The following MAEA variants were observed in gnomAD, a reference collection of about 807,000 sequenced individuals.
The protein encoded by MAEA is E3 ubiquitin-protein transferase MAEA.
MAEA carries 22 observed loss-of-function variants against 46.2 expected under a neutral mutation model. The observed-to-expected ratio is 0.48, with a 90% confidence interval of 0.34 to 0.68. The LOEUF is 0.68. Ranked by LOEUF, MAEA falls within the 30% of genes least tolerant of loss-of-function variation. The probability of loss-of-function intolerance (pLI) is 0.01; values close to 1 mark genes in which losing one functional copy is unlikely to be tolerated. For missense variants in MAEA, 393 were observed against 558.1 expected (o/e 0.70, Z 2.98); for synonymous variants, 246 against 222.6 (o/e 1.11, Z -0.94).
At chr4:1,293,382 C>T (rs1363123819) in intron 1 of MAEA, among the ~76,000 whole-genome samples, 2 of 152,024 alleles carry the variant, frequency 1.3e-5, no homozygotes, top group East Asian at 1.9e-4. Context: ...CAGAGTGAGA[C>T]CCTGTCTCAA....
chr4:1,302,907 AC>A, intron 1 of MAEA, among the ~76,000 whole-genome samples: 1 of 152,260 alleles, frequency 6.6e-6, no homozygotes, highest in Non-Finnish European at 1.5e-5. Flanking sequence ...GCTGCTTCCT[AC>A]CCCACCAGAA....
At position 1,311,543 on chromosome 4, in the gene MAEA, C is replaced by A. The variant is rs1397336036; in HGVS notation, c.70-436C>A. Among the ~76,000 whole-genome samples the A allele has an allele frequency of 3.9e-5, 6 of 152,160 alleles. No homozygotes were observed. The highest frequency in any genetic ancestry group is 3.9e-4 in the Admixed American group (6 of 15,282). ...ACCCCAGCCCGTGTGGAGCCCACGC[C>A]CCATGCACCCTTGTCCCTGCCCGGC... On this transcript the variant is annotated intron_variant, in intron 1 of 8. Transcript: ENST00000303400. This position sits in a 1 kb window ranked among gnomAD's most constrained non-coding sequence, Gnocchi z 4.4.
intron 1 of MAEA, among the ~76,000 whole-genome samples, chr4:1,302,942 A>G (rs1577144312): frequency 1.3e-5 from 2 of 152,216 alleles, no homozygotes; most frequent in East Asian, 3.9e-4. Flanking sequence ...AACAATGGCG[A>G]GTTGTTGGGT....
At chr4:1,336,223 G>A (rs992643237) in intron 6 of MAEA, among the ~76,000 whole-genome samples, 1 of 151,810 alleles carries the variant, frequency 6.6e-6, no homozygotes, top group Non-Finnish European at 1.5e-5. Context: ...GTTGAAATCA[G>A]AGTTAAGTCA....
intron 6 of MAEA, 66 bp downstream of exon 6, chr4:1,332,931 G>A: frequency 7.9e-7 from 1 of 1,262,006 alleles, no homozygotes; most frequent in Non-Finnish European, 1.1e-6. Flanking sequence ...TCTCTGGTCT[G>A]TAGCTGCTTC....
rs535103993 is a variant in MAEA at position 1,290,146 on chromosome 4, G to T, written c.69+164G>T. ...TCTCAGGGGCGCCCGGTCCGCGCCG[G>T]GCAGGTGTGGCGGGGGCGGCGGCTT... On this transcript the variant is annotated intron_variant, in intron 1 of 8. Transcript: ENST00000303400. Among the ~76,000 whole-genome samples, 1,241 of 151,826 alleles carry T rather than the reference G, an allele frequency of 8.2e-3. 23 individuals are homozygous for T. Among genetic ancestry groups the T allele is most frequent in the African/African-American group, 0.028 (1,174 of 41,500 alleles).
intron 1 of MAEA, among the ~76,000 whole-genome samples, chr4:1,300,963 C>G (rs943554166): frequency 6.6e-6 from 1 of 152,172 alleles, no homozygotes; most frequent in Non-Finnish European, 1.5e-5. Flanking sequence ...TTACATGCCC[C>G]GCACCAGAAC....
intron 6 of MAEA, among the ~76,000 whole-genome samples, chr4:1,334,653 C>T (rs1712510177): frequency 2.0e-5 from 3 of 152,254 alleles, no homozygotes; most frequent in African/African-American, 7.2e-5. Context: ...CAGGCAGTGC[C>T]AGCCCCAAGG....
intron 1 of MAEA, among the ~76,000 whole-genome samples, chr4:1,300,589 T>C (rs1735218030): frequency 6.6e-6 from 1 of 152,272 alleles, no homozygotes; most frequent in South Asian, 2.1e-4. Context: ...TCTTCCGTGC[T>C]GCCGGCTTCC....
At chr4:1,292,960 C>G (rs1211746617) in intron 1 of MAEA, among the ~76,000 whole-genome samples, 1 of 144,016 alleles carries the variant, frequency 6.9e-6, no homozygotes, top group Non-Finnish European at 1.5e-5. Flanking sequence ...GTGGCACAAT[C>G]TCAGCTCACT....
chr4:1,332,905 G>T, intron 6 of MAEA, 40 bp downstream of exon 6: 1 of 1,493,078 alleles, frequency 6.7e-7, no homozygotes, highest in South Asian at 1.2e-5. Flanking sequence ...ATGCTGGGGT[G>T]GGGATCCAGG....
At chr4:1,336,264 C>T (rs115084629) in intron 6 of MAEA, among the ~76,000 whole-genome samples, 2,365 of 148,136 alleles carry the variant, frequency 0.016, 72 homozygotes, top group African/African-American at 0.053. Flanking sequence ...GAAATCAGAG[C>T]GTTAAGTCAG....
intron 5 of MAEA, 53 bp downstream of exon 5, chr4:1,327,756 G>T: frequency 1.3e-6 from 2 of 1,516,468 alleles, no homozygotes; most frequent in South Asian, 2.2e-5. Flanking sequence ...GTTCGGCTGC[G>T]GCCCCTGCCA....
chr4:1,302,701 C>T (rs73071923), intron 1 of MAEA, among the ~76,000 whole-genome samples: 23,467 of 152,046 alleles, frequency 0.15, 3,492 homozygotes, highest in East Asian at 0.42. Context: ...AGGTTGGTCT[C>T]GATCTCCTGA....
intron 3 of MAEA, among the ~76,000 whole-genome samples, chr4:1,321,508 A>G (rs974321272): frequency 6.6e-6 from 1 of 152,242 alleles, no homozygotes; most frequent in African/African-American, 2.4e-5. Context: ...CAACGTTATG[A>G]GGGGTTTCAG....
At chr4:1,301,325 C>A (rs1468550964) in intron 1 of MAEA, among the ~76,000 whole-genome samples, 1 of 152,210 alleles carries the variant, frequency 6.6e-6, no homozygotes, top group African/African-American at 2.4e-5. Context: ...CTGCTTGCCA[C>A]ATTCTGTTTC....
At position 1,327,615 on chromosome 4, in the gene MAEA, C is replaced by T. The variant is rs1480875722; in HGVS notation, c.580-12C>T. On this transcript the variant is annotated splice_polypyrimidine_tract_variant and intron_variant, in intron 4 of 8. Transcript: ENST00000303400. ...TGTGCTGTCTAAGCCCTCGTCTTGT[C>T]TTTGCCCTCAGAGCTGCCTGGAGTT... 2 of 1,611,636 alleles carry T rather than the reference C, an allele frequency of 1.2e-6. No individual in the cohort carries two copies. The highest frequency in any genetic ancestry group is 1.7e-6 in the Non-Finnish European group (2 of 1,178,100).
chr4:1,298,478 C>G (rs1296801725), intron 1 of MAEA, among the ~76,000 whole-genome samples: 9 of 152,154 alleles, frequency 5.9e-5, no homozygotes, highest in Non-Finnish European at 1.2e-4. Context: ...TCCCCTCTGT[C>G]TGAGCCAGCC....
chr4:1,332,900 G>T (rs575335871), intron 6 of MAEA, 35 bp downstream of exon 6: 3 of 1,525,494 alleles, frequency 2.0e-6, no homozygotes, highest in East Asian at 2.3e-5. Context: ...GTGTCATGCT[G>T]GGGTGGGGAT....
Sources: allele counts gnomAD v4.1 joint callset (sites outside exome capture counted in the v4.1 genomes callset), GRCh38; gene constraint gnomAD v4.1.1; non-coding constraint Gnocchi (gnomAD v3.1); transcripts MANE v1.5; gene names NCBI Gene and HGNC (gene_info 2026-07-23, HGNC 2026-07-21).